PKHD1: variants seen among roughly 807,000 people sequenced by gnomAD.
PKHD1 encodes the protein fibrocystin.
Under a neutral mutation model 412.0 loss-of-function variants are expected in PKHD1, and 291 were observed. The observed-to-expected ratio is 0.71, with a 90% CI of 0.64 to 0.78. The LOEUF (loss-of-function observed/expected upper bound fraction) is 0.78, where lower values mean the gene tolerates loss of function less well. Ranked by LOEUF, PKHD1 falls within the 30% of genes least tolerant of loss-of-function variation. PKHD1 has a pLI of 0.00. For synonymous variants in PKHD1, 1,777 were observed against 1,821.5 expected (o/e 0.98, Z 0.62); for missense variants, 4,825 against 4,950.7 (o/e 0.97, Z 0.76).
At chr6:51,883,953 G>T (rs1295534022) in intron 45 of PKHD1, among the ~76,000 whole-genome samples, 1 of 152,120 alleles carries the variant, frequency 6.6e-6, no homozygotes, top group Admixed American at 6.6e-5. Flanking sequence ...CAGCAAGAAG[G>T]TCCTCAGAAG....
Position 52,070,441 on chromosome 6 carries a change from G to A in PKHD1, c.672C>T (p.Ser224=). 6.2e-7 allele frequency: 1 copy of A among 1,609,750 alleles called. No individual in the cohort carries two copies. Among genetic ancestry groups the A allele is most frequent in the Non-Finnish European group, 8.5e-7 (1 of 1,176,504 alleles). ...TAAATACTGAGAAGCTAACATTCTGGGAGCCTGTAACACAAAGAAACACAC... is the reference window on the plus strand; with the variant it reads ...TAAATACTGAGAAGCTAACATTCTGAGAGCCTGTAACACAAAGAAACACAC... ...QCHVEGDYIG[S]QNVSFSVFNK... The change falls in exon 10 of 67, where the codon TCC becomes TCT. Residue 224 remains serine (S), a synonymous_variant. Transcript: ENST00000371117.
At chr6:51,638,079 T>C (rs1347845808) in intron 64 of PKHD1, among the ~76,000 whole-genome samples, 1 of 152,216 alleles carries the variant, frequency 6.6e-6, no homozygotes, top group East Asian at 1.9e-4. Context: ...GACCCAGATA[T>C]GTTTATTTGT....
At chr6:52,036,789 T>A (rs1433681430) in intron 27 of PKHD1, among the ~76,000 whole-genome samples, 2 of 152,080 alleles carry the variant, frequency 1.3e-5, no homozygotes, top group Non-Finnish European at 2.9e-5. Flanking sequence ...CTTGAAGAAC[T>A]TAATGGATGG....
chr6:51,724,280 G>A (rs758895732), intron 60 of PKHD1, among the ~76,000 whole-genome samples: 1 of 152,098 alleles, frequency 6.6e-6, no homozygotes, highest in Non-Finnish European at 1.5e-5. Flanking sequence ...CAAAGGGAGT[G>A]ATTTGCAAAC....
intron 58 of PKHD1, 62 bp downstream of exon 58, chr6:51,747,725 A>G (rs1163735922): frequency 7.0e-7 from 1 of 1,430,404 alleles, no homozygotes; most frequent in East Asian, 2.3e-5. Context: ...TCAGAATGCC[A>G]TTAAAAATTT....
chr6:51,958,840 A>ACACAAACAC (rs1561987086), intron 36 of PKHD1, among the ~76,000 whole-genome samples: 7 of 86,040 alleles, frequency 8.1e-5, no homozygotes, highest in African/African-American at 3.2e-4. Flanking sequence ...CACACACACA[A>ACACAAACAC]ACACACACAC....
At chr6:51,948,794 A>G (rs1161349649) in intron 36 of PKHD1, among the ~76,000 whole-genome samples, 1 of 152,208 alleles carries the variant, frequency 6.6e-6, no homozygotes, top group Admixed American at 6.5e-5. Flanking sequence ...AGGCTAGAAT[A>G]AGAAACAAGA....
intron 60 of PKHD1, among the ~76,000 whole-genome samples, chr6:51,673,408 T>C (rs879305052): frequency 2.0e-5 from 3 of 152,240 alleles, no homozygotes; most frequent in Non-Finnish European, 4.4e-5. Flanking sequence ...ACTATAAAGC[T>C]TTCCTACTTT....
intron 37 of PKHD1, among the ~76,000 whole-genome samples, chr6:51,920,137 G>T (rs1170711466): frequency 6.6e-6 from 1 of 152,202 alleles, no homozygotes; most frequent in Non-Finnish European, 1.5e-5. Context: ...CTGCCTGATG[G>T]CCCAGGCCAG....
At chr6:51,718,548 T>C (rs191972161) in intron 60 of PKHD1, among the ~76,000 whole-genome samples, 10 of 152,316 alleles carry the variant, frequency 6.6e-5, no homozygotes, top group Non-Finnish European at 7.4e-5. Flanking sequence ...TGTATCTACT[T>C]CAAGTTTAAG....
At chr6:51,840,458 A>C (rs1034817622) in intron 50 of PKHD1, among the ~76,000 whole-genome samples, 1 of 152,180 alleles carries the variant, frequency 6.6e-6, no homozygotes, top group African/African-American at 2.4e-5. Flanking sequence ...TATCTGCATT[A>C]GCCACAATCC....
intron 66 of PKHD1, chr6:51,622,630 T>C (rs989540074): frequency 6.6e-6 from 1 of 152,200 alleles, no homozygotes; most frequent in Non-Finnish European, 1.5e-5. Context: ...TAATAAGCAA[T>C]GTATGACAAT....
intron 52 of PKHD1, among the ~76,000 whole-genome samples, chr6:51,826,285 T>C (rs1431520955): frequency 6.6e-6 from 1 of 152,080 alleles, no homozygotes; most frequent in African/African-American, 2.4e-5. Flanking sequence ...AGAGCTATTA[T>C]AAAAGAAAAA....
In PKHD1 at chr6:51,941,062, C is replaced by A. The variant is rs558354820; in HGVS notation, c.5909-6740G>T. On this transcript the variant is annotated intron_variant, in intron 36 of 66. Coordinates refer to ENST00000371117, the MANE Select transcript of PKHD1 (RefSeq NM_138694.4). ...CGCATCCTCCTCTTGTATCCCCCCCCACCTTAACCCACAAATATAAGACAC... is the reference window on the plus strand; with the variant it reads ...CGCATCCTCCTCTTGTATCCCCCCCAACCTTAACCCACAAATATAAGACAC... Among the ~76,000 whole-genome samples the A allele has an allele frequency of 9.9e-5, 15 of 150,992 alleles. 1 individual carries two copies. The highest frequency in any genetic ancestry group is 3.9e-4 in the East Asian group (2 of 5,148).
intron 64 of PKHD1, among the ~76,000 whole-genome samples, chr6:51,636,518 G>A (rs755154365): frequency 1.3e-5 from 2 of 151,984 alleles, no homozygotes; most frequent in Non-Finnish European, 2.9e-5. Flanking sequence ...CTGCACTCCA[G>A]CCTGGGTGTT....
intron 40 of PKHD1, among the ~76,000 whole-genome samples, chr6:51,908,316 C>T (rs1348123587): frequency 2.0e-5 from 3 of 152,122 alleles, no homozygotes; most frequent in Admixed American, 6.6e-5. Flanking sequence ...GATTACTCTG[C>T]AATTACCTGT....
At chr6:52,011,381 C>A (rs1799801286) in intron 34 of PKHD1, among the ~76,000 whole-genome samples, 1 of 152,192 alleles carries the variant, frequency 6.6e-6, no homozygotes, top group African/African-American at 2.4e-5. Context: ...CATGTATGAT[C>A]TCATTTCAGC....
intron 49 of PKHD1, among the ~76,000 whole-genome samples, chr6:51,849,944 C>A (rs1771889999): frequency 6.6e-6 from 1 of 152,072 alleles, no homozygotes; most frequent in Admixed American, 6.6e-5. Context: ...TTGCTTTTGG[C>A]ATTTTCGTCA....
intron 60 of PKHD1, among the ~76,000 whole-genome samples, chr6:51,671,043 G>A (rs908503930): frequency 6.6e-6 from 1 of 151,830 alleles, no homozygotes; most frequent in Non-Finnish European, 1.5e-5. Flanking sequence ...TTCTCTTCTC[G>A]AGGAGTATCT....
Sources: gnomAD v4.1 joint callset for allele counts (sites outside exome capture counted in the v4.1 genomes callset) on GRCh38, gnomAD v4.1.1 for gene constraint, MANE v1.5 for transcripts, NCBI Gene and HGNC (gene_info 2026-07-23, HGNC 2026-07-21) for gene names.